The following RNF150 variants were observed in gnomAD, a reference collection of about 807,000 sequenced individuals.
The protein encoded by RNF150 is ring finger protein 150.
A neutral mutation model predicts 39.3 loss-of-function variants in RNF150; 24 were observed. The ratio of observed to expected loss-of-function variants is 0.61; its 90% CI spans 0.44 to 0.86. RNF150 has a LOEUF of 0.86. RNF150 is among the 40% of genes least tolerant of loss of function. The probability of loss-of-function intolerance (pLI) is 0.00; values close to 1 mark genes in which losing one functional copy is unlikely to be tolerated. For synonymous variants in RNF150, 255 were observed against 227.3 expected (o/e 1.12, Z -1.10); for missense variants, 502 against 587.8 (o/e 0.85, Z 1.51).
intron 1 of RNF150, among the ~76,000 whole-genome samples, chr4:141,082,990 A>G (rs1738219164): frequency 6.6e-6 from 1 of 152,256 alleles, no homozygotes; most frequent in Non-Finnish European, 1.5e-5. Flanking sequence ...TATGTATAGT[A>G]AATATAATAA....
At chr4:141,136,927 A>T (rs970989549), upstream of RNF150, among the ~76,000 whole-genome samples, 3 of 152,342 alleles carry the variant, frequency 2.0e-5, no homozygotes, top group Non-Finnish European at 2.9e-5. Flanking sequence ...TATTGAAAGA[A>T]ATAAGGATTC....
chr4:140,911,574 AT>A (rs1730608225), intron 5 of RNF150, among the ~76,000 whole-genome samples: 2 of 152,218 alleles, frequency 1.3e-5, no homozygotes, highest in Non-Finnish European at 2.9e-5. Context: ...GATTGAAAAG[AT>A]TCCTTTTTAA....
intron 6 of RNF150, among the ~76,000 whole-genome samples, chr4:140,895,708 T>C (rs1056893134): frequency 1.1e-4 from 17 of 151,954 alleles, no homozygotes; most frequent in African/African-American, 2.2e-4. Flanking sequence ...TGTTGTCTTA[T>C]CCTTTTTCTT....
At chr4:141,000,005 G>GA (rs1560678896) in intron 1 of RNF150, among the ~76,000 whole-genome samples, 3 of 33,188 alleles carry the variant, frequency 9.0e-5, no homozygotes, top group East Asian at 1.3e-3. Flanking sequence ...AGAAGAAGAA[G>GA]AAGAAGAAGA....
At chr4:141,037,733 T>C (rs914756304) in intron 1 of RNF150, among the ~76,000 whole-genome samples, 1 of 152,198 alleles carries the variant, frequency 6.6e-6, no homozygotes, top group Non-Finnish European at 1.5e-5. Context: ...AGATTTCATT[T>C]TTCTTGGGAA....
Position 140,967,757 on chromosome 4 carries a change from G to C in RNF150, c.601C>G (p.Gln201Glu). The change falls in exon 2 of 7, where the codon CAG (glutamine) becomes GAG (glutamate). Residue 201 changes from glutamine to glutamate, a missense_variant. Coordinates refer to ENST00000515673, the MANE Select transcript of RNF150 (RefSeq NM_020724.2). ...ACCGAAGTGCGGCTCACATATTTCT[G>C]CAAGTTCCGGGTTCCGATGGTGATG... ...MYITIGTRNL[Q>E]KYVSRTSVVF... 1 of 1,613,558 alleles carries C rather than the reference G, an allele frequency of 6.2e-7. No homozygotes were observed. The highest frequency in any genetic ancestry group is 8.5e-7 in the Non-Finnish European group (1 of 1,179,654).
chr4:140,910,727 A>G (rs1256085622), intron 6 of RNF150, among the ~76,000 whole-genome samples: 1 of 152,186 alleles, frequency 6.6e-6, no homozygotes, highest in African/African-American at 2.4e-5. Context: ...GTGTGTACAC[A>G]CATGCGAGCA....
intron 1 of RNF150, among the ~76,000 whole-genome samples, chr4:141,040,607 G>A (rs1304713717): frequency 2.0e-5 from 3 of 152,084 alleles, no homozygotes; most frequent in South Asian, 2.1e-4. Flanking sequence ...AGAAAAAGGG[G>A]AAACTATTAA....
At chr4:141,081,458 G>C (rs1012481079) in intron 1 of RNF150, among the ~76,000 whole-genome samples, 1 of 152,194 alleles carries the variant, frequency 6.6e-6, no homozygotes, top group Non-Finnish European at 1.5e-5. Context: ...CAAGAAAACA[G>C]CACTGCAAAC....
At chr4:141,094,467 A>G (rs1188541660) in intron 1 of RNF150, among the ~76,000 whole-genome samples, 1 of 152,278 alleles carries the variant, frequency 6.6e-6, no homozygotes, top group Non-Finnish European at 1.5e-5. Context: ...AATTTTCTGC[A>G]AAGGGCCAAA....
intron 1 of RNF150, among the ~76,000 whole-genome samples, chr4:141,086,129 G>T (rs1738356866): frequency 6.6e-6 from 1 of 151,844 alleles, no homozygotes; most frequent in Non-Finnish European, 1.5e-5. Flanking sequence ...GCCAAGGGGT[G>T]GGAGAAGAAA....
chr4:141,109,499 C>T (rs965240653), intron 1 of RNF150, among the ~76,000 whole-genome samples: 2 of 151,810 alleles, frequency 1.3e-5, no homozygotes, highest in African/African-American at 4.8e-5. Flanking sequence ...TTTTAGACAA[C>T]TACAGACAAA....
At chr4:141,057,936 A>G (rs903467891) in intron 1 of RNF150, among the ~76,000 whole-genome samples, 1 of 152,140 alleles carries the variant, frequency 6.6e-6, no homozygotes, top group African/African-American at 2.4e-5. Flanking sequence ...GAAATGCAAC[A>G]CTGCTTACTC....
At chr4:140,903,073 A>C (rs1471936791) in intron 6 of RNF150, among the ~76,000 whole-genome samples, 2 of 152,184 alleles carry the variant, frequency 1.3e-5, no homozygotes, top group Non-Finnish European at 2.9e-5. Context: ...CAGGGGCTCT[A>C]ACTTTAATCA....
chr4:140,932,184 A>T (rs923530226), intron 4 of RNF150, among the ~76,000 whole-genome samples: 1 of 152,234 alleles, frequency 6.6e-6, no homozygotes, highest in Non-Finnish European at 1.5e-5. Context: ...ACTATTTTAA[A>T]AAGATACCTA....
In RNF150 at chr4:140,912,664, G is replaced by A. The variant is rs185606773; in HGVS notation, c.988-1310C>T. Among the ~76,000 whole-genome samples the A allele has an allele frequency of 7.9e-5, 12 of 152,232 alleles. No homozygotes were observed. In the East Asian group the frequency reaches 2.3e-3, roughly 29 times the overall value. ...CTCCACACCTGTGTCCTAACAGTCA[G>A]CTGAAGAGCTCTACCATTCCATAAA... On this transcript the variant is annotated intron_variant, in intron 5 of 6. Coordinates refer to ENST00000515673, the MANE Select transcript of RNF150 (RefSeq NM_020724.2).
chr4:141,065,583 T>C (rs7695344), intron 1 of RNF150, among the ~76,000 whole-genome samples: 66,244 of 151,824 alleles, frequency 0.44, 16,780 homozygotes, highest in Non-Finnish European at 0.58. Context: ...GTAGTCTCTG[T>C]AAACCTAAGA....
intron 1 of RNF150, among the ~76,000 whole-genome samples, chr4:141,156,405 T>G (rs1358202253): frequency 6.6e-6 from 1 of 152,032 alleles, no homozygotes; most frequent in African/African-American, 2.4e-5. Context: ...CTCATCCTCC[T>G]GAGTAGGAGG....
chr4:141,082,296 C>T (rs963203691), intron 1 of RNF150, among the ~76,000 whole-genome samples: 1 of 152,190 alleles, frequency 6.6e-6, no homozygotes. Flanking sequence ...TCCTGCGTCA[C>T]GGCTATAAAC....
Sources: allele counts gnomAD v4.1 joint callset (sites outside exome capture counted in the v4.1 genomes callset), GRCh38; gene constraint gnomAD v4.1.1; transcripts MANE v1.5; gene names NCBI Gene and HGNC (gene_info 2026-07-23, HGNC 2026-07-21).